NUDT5: variants seen among roughly 807,000 people sequenced by gnomAD.
The protein encoded by NUDT5 is nudix hydrolase 5.
Under a neutral mutation model 34.1 loss-of-function variants are expected in NUDT5, and 21 were observed. That is an observed-to-expected ratio of 0.62 (90% CI 0.44 to 0.89). The LOEUF is 0.89. NUDT5 is among the 40% of genes least tolerant of loss of function. The probability of loss-of-function intolerance (pLI) is 0.00; values close to 1 mark genes in which losing one functional copy is unlikely to be tolerated. For missense variants in NUDT5, 249 were observed against 274.8 expected (o/e 0.91, Z 0.66); for synonymous variants, 85 against 97.6 (o/e 0.87, Z 0.76).
chr10:12,193,846 G>A (rs534873727), intron 1 of NUDT5, among the ~76,000 whole-genome samples: 54 of 150,938 alleles, frequency 3.6e-4, no homozygotes, highest in Non-Finnish European at 7.1e-4. Flanking sequence ...TTAAAGCTTT[G>A]CAACTGCCTT....
chr10:12,187,284 G>A lies in NUDT5; in HGVS notation c.-41-952C>T, dbSNP rs981246901. Among the ~76,000 whole-genome samples the A allele has an allele frequency of 2.0e-5, 3 of 150,656 alleles. No individual in the cohort carries two copies. Among genetic ancestry groups the A allele is most frequent in the Non-Finnish European group, 4.4e-5 (3 of 67,602 alleles). On this transcript the variant is annotated intron_variant, in intron 1 of 9. Transcript: ENST00000491614. This position sits in a 1 kb window ranked among gnomAD's most constrained non-coding sequence, Gnocchi z 5.4. ...CCCGGGCTCAAGCGATCCTCCTCCC[G>A]CCTCGGTGTCCCAAAGTGCTGGGAT...
At position 12,172,768 on chromosome 10, in the gene NUDT5, G is replaced by A. The variant is rs1203437652; in HGVS notation, c.484C>T (p.Pro162Ser). 1 of 1,610,892 alleles carries A rather than the reference G, an allele frequency of 6.2e-7. No individual in the cohort carries two copies. The highest frequency in any genetic ancestry group is 8.5e-7 in the Non-Finnish European group (1 of 1,177,174). Residue 162 changes from proline to serine, a missense_variant, in exon 7 of 10, where the codon CCA (proline) becomes TCA (serine). Transcript: ENST00000491614. ...DAENARPKPK[P>S]GDGEFVEVIS... is the part of the protein sequence containing the mutation. Reference sequence around the variant, plus strand: ...ATCACAGCCGACACACACATACCTGGCTTTGGCTTCGGCCTTGCGTTTTCG... The same window carrying A: ...ATCACAGCCGACACACACATACCTGACTTTGGCTTCGGCCTTGCGTTTTCG...
chr10:12,188,728 TAAAA>T (rs1230471724), intron 1 of NUDT5, among the ~76,000 whole-genome samples: 2 of 74,692 alleles, frequency 2.7e-5, no homozygotes, highest in African/African-American at 6.0e-5. Flanking sequence ...AGACTCCATC[TAAAA>T]AAAAAAAAAA....
chr10:12,189,018 G>C (rs1835176839), intron 1 of NUDT5, among the ~76,000 whole-genome samples: 1 of 152,230 alleles, frequency 6.6e-6, no homozygotes. Context: ...TAAATATTTA[G>C]AGACAGACAT....
rs1023216283 is a variant in NUDT5, at chr10:12,173,143, A to G, written c.386-277T>C. ...CACATCAAACTCAAAAAAATCTTCCAGTGATGAGGGTAGCACATGCATGAG... is the reference window on the plus strand; with the variant it reads ...CACATCAAACTCAAAAAAATCTTCCGGTGATGAGGGTAGCACATGCATGAG... On this transcript the variant is annotated intron_variant, in intron 6 of 9. Transcript: ENST00000491614. This position sits in a 1 kb window ranked among gnomAD's most constrained non-coding sequence, Gnocchi z 4.7. 7.1e-4 allele frequency among the ~76,000 whole-genome samples: 108 copies of G among 152,340 alleles called. No homozygotes were observed. The highest frequency in any genetic ancestry group is 2.5e-3 in the African/African-American group (102 of 41,580).
intron 1 of NUDT5, among the ~76,000 whole-genome samples, chr10:12,192,835 A>G (rs1217947731): frequency 6.6e-6 from 1 of 152,142 alleles, no homozygotes; most frequent in East Asian, 1.9e-4. Context: ...TGGGCGACAG[A>G]GCGAGACTCT....
Position 12,173,630 on chromosome 10 carries a change from G to C in NUDT5, c.385+88C>G. 2 of 1,010,442 alleles carry C rather than the reference G, an allele frequency of 2.0e-6. No individual in the cohort carries two copies. The highest frequency in any genetic ancestry group is 3.2e-6 in the Non-Finnish European group (2 of 633,266). 62.6% of individuals were successfully genotyped at this position (1,010,442 alleles called of 1,614,324 possible). On this transcript the variant is annotated intron_variant, in intron 6 of 9. Coordinates refer to ENST00000491614, the MANE Select transcript of NUDT5 (RefSeq NM_014142.4). This position sits in a 1 kb window ranked among gnomAD's most constrained non-coding sequence, Gnocchi z 4.7. ...AATCTGTGATTTCTTTCTCTTCAGTGAATTCTGAGCGTAAAGAACACCCAA... is the reference window on the plus strand; with the variant it reads ...AATCTGTGATTTCTTTCTCTTCAGTCAATTCTGAGCGTAAAGAACACCCAA...
intron 5 of NUDT5, among the ~76,000 whole-genome samples, chr10:12,177,575 T>C (rs1588657872): frequency 6.6e-6 from 1 of 151,528 alleles, no homozygotes; most frequent in Non-Finnish European, 1.5e-5. Context: ...CAAGAGGAGG[T>C]TGGGATGGGT....
At chr10:12,194,143 G>C (rs1564429098) in intron 1 of NUDT5, among the ~76,000 whole-genome samples, 1 of 152,356 alleles carries the variant, frequency 6.6e-6, no homozygotes, top group South Asian at 2.1e-4. Context: ...CCAGAGTGCT[G>C]GGATCACAGG....
Position 12,170,251 on chromosome 10 carries a change from A to G in NUDT5, c.550+466T>C, listed in dbSNP as rs1371913015. 10 of 1,509,112 alleles carry G rather than the reference A, an allele frequency of 6.6e-6. No homozygotes were observed. The highest frequency in any genetic ancestry group is 2.3e-5 in the South Asian group (2 of 88,690). 93.5% of individuals were successfully genotyped at this position (1,509,112 alleles called of 1,614,324 possible). A position where few individuals can be genotyped will look rare whatever the true frequency, so the allele number is the denominator to read the frequency against. On this transcript the variant is annotated intron_variant, in intron 9 of 9. Coordinates refer to ENST00000491614, the MANE Select transcript of NUDT5 (RefSeq NM_014142.4). The surrounding 1 kb of genome is among the most constrained non-coding windows in gnomAD (Gnocchi z 4.9). ...TGGTTTGGTTTATTATGTGAAAAGC[A>G]TATCACACGGAGTATACAGGAAATA...
In NUDT5 at chr10:12,171,418, T is replaced by C. The variant is rs1834851077; in HGVS notation, c.488-510A>G. Among the ~76,000 whole-genome samples the C allele has an allele frequency of 6.6e-6, 1 of 152,222 alleles. No homozygotes were observed. Among genetic ancestry groups the C allele is most frequent in the East Asian group, 1.9e-4 (1 of 5,198 alleles). The stretch of plus-strand genomic sequence containing the variant: ...ATCAGAGTATTTGCCCATCATGTTA[T>C]CGCATGTTTCAGCGTGTATGTGTGT... On this transcript the variant is annotated intron_variant, in intron 7 of 9. Transcript: ENST00000491614. The surrounding 1 kb of genome is among the most constrained non-coding windows in gnomAD (Gnocchi z 4.2).
rs1803156129 is a variant in NUDT5 at position 12,175,409 on chromosome 10, G to C, written c.290-1596C>G. ...GCCTGTAATCCCAACACTTTGGGAG[G>C]CTGAGGCAGGAGGATCACTTGAGGC... On this transcript the variant is annotated intron_variant, in intron 5 of 9. Coordinates refer to ENST00000491614, the MANE Select transcript of NUDT5 (RefSeq NM_014142.4). This position sits in a 1 kb window ranked among gnomAD's most constrained non-coding sequence, Gnocchi z 4.8. 6.6e-6 allele frequency among the ~76,000 whole-genome samples: 1 copy of C among 152,194 alleles called. No homozygotes were observed. The highest frequency in any genetic ancestry group is 1.5e-5 in the Non-Finnish European group (1 of 68,028).
At chr10:12,178,839 T>C in intron 4 of NUDT5, among the ~76,000 whole-genome samples, 1 of 152,178 alleles carries the variant, frequency 6.6e-6, no homozygotes, top group East Asian at 1.9e-4. Flanking sequence ...ACTATATTGA[T>C]TTACATTTAG....
rs369600216 is a variant in NUDT5, at chr10:12,177,782, G to C, written c.289+11C>G. ...CATCCCTAAGAAGCAATTCGATGTT[G>C]AGTGACTCACCTGCAGGGAACTCTA... is the stretch of plus-strand genomic sequence containing the variant. On this transcript the variant is annotated intron_variant, in intron 5 of 9. Transcript: ENST00000491614. 3 of 1,595,586 alleles carry C rather than the reference G, an allele frequency of 1.9e-6. No individual in the cohort carries two copies. The highest frequency in any genetic ancestry group is 2.6e-6 in the Non-Finnish European group (3 of 1,163,130).
chr10:12,170,909 C>T lies in NUDT5; in HGVS notation c.488-1G>A, dbSNP rs772856254. 6.8e-6 allele frequency: 11 copies of T among 1,613,466 alleles called. No individual in the cohort carries two copies. Among genetic ancestry groups the T allele is most frequent in the Non-Finnish European group, 9.3e-6 (11 of 1,179,774 alleles). The stretch of plus-strand genomic sequence containing the variant: ...GAGTTGCAGAACATACCTCCATCCC[C>T]TGGAAATAAACAGAAGGAAAACATT... On this transcript the variant is annotated splice_acceptor_variant, in intron 7 of 9. Coordinates refer to ENST00000491614, the MANE Select transcript of NUDT5 (RefSeq NM_014142.4). LOFTEE classifies it high-confidence loss of function. This position sits in a 1 kb window ranked among gnomAD's most constrained non-coding sequence, Gnocchi z 4.9.
rs12782825 is a variant in NUDT5 at position 12,189,964 on chromosome 10, G to A, written c.-41-3632C>T. Reference sequence around the variant, plus strand: ...GCTGGAGTGCAGTGGCGCGATCTCCGCTCACTGCAAGCTCCGCCTCCTGGG... The same window carrying A: ...GCTGGAGTGCAGTGGCGCGATCTCCACTCACTGCAAGCTCCGCCTCCTGGG... On this transcript the variant is annotated intron_variant, in intron 1 of 9. Coordinates refer to ENST00000491614, the MANE Select transcript of NUDT5 (RefSeq NM_014142.4). Among the ~76,000 whole-genome samples, 1,082 of 149,580 alleles carry A rather than the reference G, an allele frequency of 7.2e-3. 11 individuals carry two copies. The highest frequency in any genetic ancestry group is 0.013 in the Non-Finnish European group (870 of 67,736).
rs565672955 is a variant in NUDT5 at position 12,168,718 on chromosome 10, G to T, written c.551-907C>A. Among the ~76,000 whole-genome samples the T allele has an allele frequency of 7.2e-4, 109 of 152,234 alleles. No homozygotes were observed. Among genetic ancestry groups the T allele is most frequent in the African/African-American group, 2.6e-3 (106 of 41,550 alleles). On this transcript the variant is annotated intron_variant, in intron 9 of 9. Coordinates refer to ENST00000491614, the MANE Select transcript of NUDT5 (RefSeq NM_014142.4). The surrounding 1 kb of genome is among the most constrained non-coding windows in gnomAD (Gnocchi z 4.8). ...CTCACCTGGGCACAGCAGGTGCTTG[G>T]TAACTGGCAGATGCTACTCTTTGTA...
In NUDT5 at chr10:12,173,064, G is replaced by A. The variant is rs1247993717; in HGVS notation, c.386-198C>T. On this transcript the variant is annotated intron_variant, in intron 6 of 9. Transcript: ENST00000491614. This position sits in a 1 kb window ranked among gnomAD's most constrained non-coding sequence, Gnocchi z 4.7. The stretch of plus-strand genomic sequence containing the variant: ...ACTCTCCCCAGAGCTCTCGAGTCAA[G>A]CTTGCTAGGTCTGCGGGGTTAGATG... 1.3e-5 allele frequency among the ~76,000 whole-genome samples: 2 copies of A among 152,216 alleles called. No individual in the cohort carries two copies. The highest frequency in any genetic ancestry group is 2.4e-5 in the African/African-American group (1 of 41,468).
chr10:12,191,323 C>T (rs1000458104), intron 1 of NUDT5, among the ~76,000 whole-genome samples: 1 of 152,048 alleles, frequency 6.6e-6, no homozygotes, highest in Admixed American at 6.5e-5. Flanking sequence ...GTGGAGCTTG[C>T]AGTGAGCCAA....
Sources: gnomAD v4.1 joint callset for allele counts (sites outside exome capture counted in the v4.1 genomes callset) on GRCh38, gnomAD v4.1.1 for gene constraint, Gnocchi (gnomAD v3.1) non-coding constraint, MANE v1.5 for transcripts, NCBI Gene and HGNC (gene_info 2026-07-23, HGNC 2026-07-21) for gene names.